Variants in ADAMTSL1 observed in about 807,000 individuals in gnomAD.
ADAMTSL1 encodes the protein ADAMTS like 1.
ADAMTSL1 carries 126 observed loss-of-function variants against 201.8 expected under a neutral mutation model. The observed-to-expected ratio is 0.62, with a 90% confidence interval of 0.54 to 0.72. The LOEUF (loss-of-function observed/expected upper bound fraction) is 0.72. Among genes scored for constraint, ADAMTSL1 ranks in the 30% least tolerant of loss-of-function variants. ADAMTSL1 has a pLI of 0.00. For missense variants in ADAMTSL1, 2,679 were observed against 2,277.8 expected (o/e 1.18, Z -3.59); for synonymous variants, 1,121 against 903.4 (o/e 1.24, Z -4.32).
chr9:18,839,863 C>T (rs1411832648), intron 23 of ADAMTSL1, among the ~76,000 whole-genome samples: 4 of 150,070 alleles, frequency 2.7e-5, no homozygotes, highest in African/African-American at 9.9e-5. Context: ...ATGTCCTTCG[C>T]CCACTTTTGG....
intron 3 of ADAMTSL1, among the ~76,000 whole-genome samples, chr9:18,555,552 G>T (rs1471086613): frequency 6.6e-6 from 1 of 151,752 alleles, no homozygotes; most frequent in African/African-American, 2.4e-5. Context: ...GAGGCCCTTG[G>T]GTTTTCATTG....
chr9:18,873,683 A>ATGC (rs1174407152), intron 23 of ADAMTSL1, among the ~76,000 whole-genome samples: 1 of 152,098 alleles, frequency 6.6e-6, no homozygotes, highest in Non-Finnish European at 1.5e-5. Context: ...TACCAGTACA[A>ATGC]TGCTGTTTTG....
intron 1 of ADAMTSL1, among the ~76,000 whole-genome samples, chr9:18,059,366 A>T (rs577743533): frequency 6.6e-6 from 1 of 152,068 alleles, no homozygotes; most frequent in Non-Finnish European, 1.5e-5. Flanking sequence ...TGGTTGAGTC[A>T]TTTTTGATAA....
chr9:17,995,252 C>T (rs1413862585), intron 1 of ADAMTSL1, among the ~76,000 whole-genome samples: 2 of 152,114 alleles, frequency 1.3e-5, no homozygotes, highest in Non-Finnish European at 2.9e-5. Flanking sequence ...AGGTGAGAAA[C>T]ACTGTGACCT....
intron 25 of ADAMTSL1, 147 bp from the exon 26 acceptor site, chr9:18,892,242 C>A (rs1829325004): frequency 1.4e-6 from 1 of 730,158 alleles, no homozygotes; most frequent in Admixed American, 2.9e-5. Flanking sequence ...CATTTTTCAG[C>A]CTATCAATCA....
chr9:18,278,586 T>G (rs1832673232), intron 2 of ADAMTSL1, among the ~76,000 whole-genome samples: 1 of 152,188 alleles, frequency 6.6e-6, no homozygotes, highest in African/African-American at 2.4e-5. Flanking sequence ...CCAAATTCTC[T>G]CGTTGTCTTT....
chr9:18,088,084 C>G (rs545433079), intron 1 of ADAMTSL1, among the ~76,000 whole-genome samples: 4 of 152,170 alleles, frequency 2.6e-5, no homozygotes, highest in African/African-American at 7.2e-5. Flanking sequence ...AATAGAGAAC[C>G]TAGAATTACA....
intron 1 of ADAMTSL1, among the ~76,000 whole-genome samples, chr9:18,035,346 A>T (rs1821149977): frequency 6.6e-6 from 1 of 152,120 alleles, no homozygotes; most frequent in Non-Finnish European, 1.5e-5. Flanking sequence ...ATTGAAGTGG[A>T]CCTATCGTTT....
intron 2 of ADAMTSL1, among the ~76,000 whole-genome samples, chr9:18,355,973 C>G (rs1376225345): frequency 6.6e-6 from 1 of 152,258 alleles, no homozygotes; most frequent in Admixed American, 6.5e-5. Context: ...CTACCTGCTG[C>G]AGGAGATGGC....
intron 4 of ADAMTSL1, among the ~76,000 whole-genome samples, chr9:18,576,998 C>T (rs915063308): frequency 1.5e-4 from 23 of 152,220 alleles, no homozygotes; most frequent in Admixed American, 6.5e-4. Context: ...GAGGCGCAGA[C>T]CATTTGGTAA....
At chr9:18,721,880 C>T (rs991494762) in intron 15 of ADAMTSL1, among the ~76,000 whole-genome samples, 3 of 152,224 alleles carry the variant, frequency 2.0e-5, no homozygotes, top group African/African-American at 7.2e-5. Flanking sequence ...CTGGAAGATA[C>T]CGTGCATTCA....
chr9:17,964,931 C>T (rs1182433952), intron 1 of ADAMTSL1, among the ~76,000 whole-genome samples: 3 of 151,962 alleles, frequency 2.0e-5, no homozygotes, highest in African/African-American at 4.8e-5. Context: ...AGTGCAGTGG[C>T]GTGATCTTGG....
chr9:18,453,267 G>A (rs1432614398), intron 2 of ADAMTSL1, among the ~76,000 whole-genome samples: 1 of 152,072 alleles, frequency 6.6e-6, no homozygotes, highest in Non-Finnish European at 1.5e-5. Context: ...GGTAGCTCTG[G>A]GTGACAAGCC....
chr9:18,692,164 A>G (rs1450499137), intron 13 of ADAMTSL1, among the ~76,000 whole-genome samples: 1 of 152,168 alleles, frequency 6.6e-6, no homozygotes, highest in East Asian at 1.9e-4. Context: ...AATTTAGCCC[A>G]GAGTTTATTT....
intron 15 of ADAMTSL1, among the ~76,000 whole-genome samples, chr9:18,721,929 G>A (rs147168582): frequency 3.7e-4 from 57 of 152,292 alleles, no homozygotes; most frequent in African/African-American, 1.0e-3. Flanking sequence ...TGTGTGCCAC[G>A]CAGTTGCTTT....
At chr9:18,876,931 G>A (rs1217249962) in intron 23 of ADAMTSL1, among the ~76,000 whole-genome samples, 1 of 152,142 alleles carries the variant, frequency 6.6e-6, no homozygotes, top group East Asian at 1.9e-4. Context: ...ACTTCTTGAA[G>A]GCTTTGTTCA....
At chr9:18,166,892 T>C (rs1184589805) in intron 2 of ADAMTSL1, among the ~76,000 whole-genome samples, 1 of 151,970 alleles carries the variant, frequency 6.6e-6, no homozygotes, top group Non-Finnish European at 1.5e-5. Context: ...AGTGATACTT[T>C]CTCAATCCCT....
rs1563913266 is a variant in ADAMTSL1 at position 18,909,658 on chromosome 9, G to GTATC, written c.*1112_*1115dup. ...CATTAACTAGTCACTGTGCCAGAGA[G>GTATC]TATCTGTCAGGCTGTCAGGTTGTAG... On this transcript the variant is annotated 3_prime_UTR_variant, in exon 29 of 29. Coordinates refer to ENST00000380548, the MANE Select transcript of ADAMTSL1 (RefSeq NM_001040272.6). The GTATC allele has an allele frequency of 1.1e-5, 1 of 92,902 alleles. No homozygotes were observed. 5.8% of individuals were successfully genotyped at this position (92,902 alleles called of 1,614,324 possible). A position where few individuals can be genotyped will look rare whatever the true frequency, so the allele number is the denominator to read the frequency against.
At chr9:18,218,878 G>T (rs1028520873) in intron 2 of ADAMTSL1, among the ~76,000 whole-genome samples, 3 of 151,896 alleles carry the variant, frequency 2.0e-5, no homozygotes, top group Non-Finnish European at 2.9e-5. Context: ...AAACCCTAAA[G>T]TTGTAATTTT....
Sources: gnomAD v4.1 joint callset for allele counts (sites outside exome capture counted in the v4.1 genomes callset) on GRCh38, gnomAD v4.1.1 for gene constraint, MANE v1.5 for transcripts, NCBI Gene and HGNC (gene_info 2026-07-23, HGNC 2026-07-21) for gene names.